Variants in PPCDC observed in about 807,000 individuals in gnomAD.
The protein encoded by PPCDC is phosphopantothenoylcysteine decarboxylase.
PPCDC carries 20 observed loss-of-function variants against 20.7 expected under a neutral mutation model. The observed-to-expected ratio is 0.97, with a 90% CI of 0.68 to 1.41. PPCDC has a LOEUF of 1.41. Among genes scored for constraint, PPCDC ranks in the 40% most tolerant of loss-of-function variants. The probability of loss-of-function intolerance (pLI) is 0.00; values close to 1 mark genes in which losing one functional copy is unlikely to be tolerated. For missense variants in PPCDC, 246 were observed against 263.8 expected, an observed-to-expected ratio of 0.93 and a Z score of 0.47; for synonymous variants, 88 against 100.3, an observed-to-expected ratio of 0.88 and a Z score of 0.73.
chr15:75,034,581 C>G (rs1266314618), intron 2 of PPCDC, among the ~76,000 whole-genome samples: 1 of 152,196 alleles, frequency 6.6e-6, no homozygotes, highest in Non-Finnish European at 1.5e-5. Flanking sequence ...AATCCTTTGT[C>G]CTAGAATGTA....
In PPCDC at chr15:75,048,715, G is replaced by C. The variant is rs763657102; in HGVS notation, c.523G>C (p.Asp175His). The C allele has an allele frequency of 6.2e-7, 1 of 1,613,910 alleles. No homozygotes were observed. The highest frequency in any genetic ancestry group is 1.3e-5 in the African/African-American group (1 of 74,948). Residue 175 changes from aspartate to histidine, a missense_variant, in exon 5 of 6, where the codon GAT becomes CAT. Physicochemically the swap from Asp to His is moderately conservative, Grantham distance 81. This residue lies in a region of PPCDC where 21 missense variants were observed against 41.2 expected (regional missense o/e 0.51). Transcript: ENST00000342932. The part of the protein sequence containing the change: ...PCVAKKLVCG[D>H]EGLGAMAEVG... ...TGTGGCCAAGAAGCTGGTGTGCGGAGATGAAGGTGGGTGTCTTGCCAGGCT... is the reference window on the plus strand; with the variant it reads ...TGTGGCCAAGAAGCTGGTGTGCGGACATGAAGGTGGGTGTCTTGCCAGGCT...
At chr15:75,025,940 A>G (rs2065954396) in intron 1 of PPCDC, among the ~76,000 whole-genome samples, 1 of 152,092 alleles carries the variant, frequency 6.6e-6, no homozygotes, top group African/African-American at 2.4e-5. Context: ...ACACACATAC[A>G]CACACACACC....
At position 75,029,645 on chromosome 15, in the gene PPCDC, G is replaced by C. The variant is rs571429445; in HGVS notation, c.135+1192G>C. Reference sequence around the variant, plus strand: ...TGACAGCCAGGCCAGAGTGGGGGAGGGAGGAGAGTCTCGTGGCACTCTGAC... The same window carrying C: ...TGACAGCCAGGCCAGAGTGGGGGAGCGAGGAGAGTCTCGTGGCACTCTGAC... On this transcript the variant is annotated intron_variant, in intron 2 of 5. Coordinates refer to ENST00000342932, the MANE Select transcript of PPCDC (RefSeq NM_021823.5). 2.6e-5 allele frequency among the ~76,000 whole-genome samples: 4 copies of C among 152,270 alleles called. No homozygotes were observed. The East Asian group carries it at 7.7e-4, about 29-fold the overall frequency.
intron 2 of PPCDC, among the ~76,000 whole-genome samples, chr15:75,035,148 T>C (rs2066070010): frequency 6.6e-6 from 1 of 152,160 alleles, no homozygotes; most frequent in Non-Finnish European, 1.5e-5. Context: ...TTCCCATCAT[T>C]GCAGAGATGG....
intron 2 of PPCDC, among the ~76,000 whole-genome samples, chr15:75,042,956 T>C (rs1595909972): frequency 6.6e-6 from 1 of 152,256 alleles, no homozygotes; most frequent in Non-Finnish European, 1.5e-5. Flanking sequence ...CTTCGGGTCA[T>C]GCATGCACAG....
At chr15:75,039,338 G>A (rs34767908) in intron 2 of PPCDC, among the ~76,000 whole-genome samples, 17,988 of 152,104 alleles carry the variant, frequency 0.12, 1,203 homozygotes, top group Middle Eastern at 0.28. Context: ...TTGACCTTGC[G>A]TTCTTAGGGT....
intron 2 of PPCDC, among the ~76,000 whole-genome samples, chr15:75,039,722 G>A (rs2066130234): frequency 6.6e-6 from 1 of 151,902 alleles, no homozygotes; most frequent in South Asian, 2.1e-4. Flanking sequence ...AAGCGCATTG[G>A]CACGTCTTAA....
At chr15:75,048,179 C>T (rs975938149) in intron 4 of PPCDC, among the ~76,000 whole-genome samples, 1 of 152,194 alleles carries the variant, frequency 6.6e-6, no homozygotes, top group African/African-American at 2.4e-5. Flanking sequence ...GTAGATGAGC[C>T]CCACCTGAGG....
At position 75,049,332 on chromosome 15, in the gene PPCDC, T is replaced by TCAGCAAA; in HGVS notation, c.*97_*98insCAGCAAA. On this transcript the variant is annotated 3_prime_UTR_variant, in exon 6 of 6. Transcript: ENST00000342932. ...TGGCAAAATAGGAGGATACCCTCAT[T>TCAGCAAA]TGCTGAATGGGGGACCTGCTCTGAG... 2 of 1,188,850 alleles carry TCAGCAAA rather than the reference T, an allele frequency of 1.7e-6. No homozygotes were observed. The highest frequency in any genetic ancestry group is 2.4e-6 in the Non-Finnish European group (2 of 820,294). The allele number at this position is 1,188,850 out of a possible 1,614,324, so 73.6% of individuals were successfully genotyped here. A position where few individuals can be genotyped will look rare whatever the true frequency, so the allele number is the denominator to read the frequency against.
chr15:75,047,488 A>C (rs1374400676), intron 4 of PPCDC, among the ~76,000 whole-genome samples: 1 of 151,892 alleles, frequency 6.6e-6, no homozygotes, highest in Non-Finnish European at 1.5e-5. Context: ...CCTTCAGGGG[A>C]GGGGTTTCCA....
intron 2 of PPCDC, among the ~76,000 whole-genome samples, chr15:75,032,264 A>G (rs1323559694): frequency 6.6e-6 from 1 of 152,142 alleles, no homozygotes. Context: ...AGATAGAGAA[A>G]ACCCCCAACT....
At chr15:75,035,604 A>G (rs1471575286) in intron 2 of PPCDC, among the ~76,000 whole-genome samples, 1 of 152,188 alleles carries the variant, frequency 6.6e-6, no homozygotes, top group Non-Finnish European at 1.5e-5. Context: ...CAGCTTATGT[A>G]ATAGGGTCTG....
At chr15:75,042,859 A>G (rs1162902762) in intron 2 of PPCDC, among the ~76,000 whole-genome samples, 3 of 152,164 alleles carry the variant, frequency 2.0e-5, no homozygotes, top group African/African-American at 7.2e-5. Context: ...GGGCACACAC[A>G]GGCTGGGTTC....
intron 5 of PPCDC, 71 bp from the exon 6 acceptor site, chr15:75,049,079 G>T: frequency 7.1e-7 from 1 of 1,405,088 alleles, no homozygotes; most frequent in Non-Finnish European, 1.0e-6. Flanking sequence ...AGCACTTGGA[G>T]CAATGGGCAG....
chr15:75,031,184 G>T (rs1169093083), intron 2 of PPCDC, among the ~76,000 whole-genome samples: 1 of 152,170 alleles, frequency 6.6e-6, no homozygotes, highest in Non-Finnish European at 1.5e-5. Flanking sequence ...GATTCTAGAT[G>T]TGAGGGCAAA....
At chr15:75,031,364 G>C (rs2066019358) in intron 2 of PPCDC, among the ~76,000 whole-genome samples, 1 of 152,158 alleles carries the variant, frequency 6.6e-6, no homozygotes, top group South Asian at 2.1e-4. Flanking sequence ...CCATGCAGGG[G>C]AGCAAAAATG....
At chr15:75,037,890 C>CT (rs751595832) in intron 2 of PPCDC, among the ~76,000 whole-genome samples, 25 of 152,026 alleles carry the variant, frequency 1.6e-4, no homozygotes, top group Non-Finnish European at 3.2e-4. Context: ...TCCTGGGGTG[C>CT]TAGGGTACTG....
At chr15:75,035,760 A>T (rs2066077010) in intron 2 of PPCDC, among the ~76,000 whole-genome samples, 1 of 152,176 alleles carries the variant, frequency 6.6e-6, no homozygotes, top group South Asian at 2.1e-4. Flanking sequence ...TGAGGCCAGG[A>T]CTTTGAAACC....
rs557608662 is a variant in PPCDC, at chr15:75,046,967, T to G, written c.361-1586T>G. ...TGACTGGGATCCAGGCCTTCTCCCCTGCCCATGTGAATTCCCAGGGGCAGA... is the reference window on the plus strand; with the variant it reads ...TGACTGGGATCCAGGCCTTCTCCCCGGCCCATGTGAATTCCCAGGGGCAGA... On this transcript the variant is annotated intron_variant, in intron 4 of 5. Coordinates refer to ENST00000342932, the MANE Select transcript of PPCDC (RefSeq NM_021823.5). Among the ~76,000 whole-genome samples, 7 of 152,382 alleles carry G rather than the reference T, an allele frequency of 4.6e-5. No individual in the cohort carries two copies. In the South Asian group the frequency reaches 6.2e-4, roughly 14 times the overall value.
Sources: allele counts gnomAD v4.1 joint callset (sites outside exome capture counted in the v4.1 genomes callset), GRCh38; gene constraint gnomAD v4.1.1; regional missense constraint gnomAD v4.1.1; transcripts MANE v1.5; gene names NCBI Gene and HGNC (gene_info 2026-07-23, HGNC 2026-07-21).